Variants in AKAP19 observed in about 807,000 individuals in gnomAD.
The protein encoded by AKAP19 is small A-kinase anchoring protein.
At chr2:190,013,013 T>G in the AKAP19 span, among the ~76,000 whole-genome samples, 1 of 152,160 alleles carries the variant, frequency 6.6e-6, no homozygotes. Flanking sequence ...GGTTTGCTGT[T>G]ATTTTGTTGA....
At chr2:190,006,534 C>T in the AKAP19 span, among the ~76,000 whole-genome samples, 2 of 151,586 alleles carry the variant, frequency 1.3e-5, no homozygotes, top group Non-Finnish European at 2.9e-5. Context: ...CCTGTAGTCC[C>T]AGCTACTGGG....
At chr2:189,927,919 A>G in the AKAP19 span, among the ~76,000 whole-genome samples, 1 of 152,152 alleles carries the variant, frequency 6.6e-6, no homozygotes, top group South Asian at 2.1e-4. Context: ...TCATTGCAGA[A>G]AGTTGTATTT....
the AKAP19 span, among the ~76,000 whole-genome samples, chr2:189,938,057 C>T: frequency 6.6e-6 from 1 of 151,906 alleles, no homozygotes; most frequent in Admixed American, 6.6e-5. Context: ...GTACTTAGGC[C>T]AGGTGCGGTG....
At chr2:190,194,777 A>G in the AKAP19 span, among the ~76,000 whole-genome samples, 1 of 152,128 alleles carries the variant, frequency 6.6e-6, no homozygotes, top group Non-Finnish European at 1.5e-5. Flanking sequence ...TATAGTTGTA[A>G]TCATACAGCA....
At chr2:189,993,227 G>A in the AKAP19 span, among the ~76,000 whole-genome samples, 10 of 152,284 alleles carry the variant, frequency 6.6e-5, no homozygotes, top group East Asian at 1.9e-3. Flanking sequence ...AATCATAAAT[G>A]GATGCTGGAT....
At chr2:189,925,071 T>C in the AKAP19 span, among the ~76,000 whole-genome samples, 1 of 152,172 alleles carries the variant, frequency 6.6e-6, no homozygotes, top group African/African-American at 2.4e-5. Context: ...GCCTCACATT[T>C]CTGGCTTCAG....
the AKAP19 span, among the ~76,000 whole-genome samples, chr2:189,948,590 A>G: frequency 1.3e-5 from 2 of 152,304 alleles, no homozygotes; most frequent in East Asian, 3.9e-4. Context: ...ACATGGTAGG[A>G]CCATGTCTGT....
At chr2:190,069,435 A>G in the AKAP19 span, among the ~76,000 whole-genome samples, 1 of 152,170 alleles carries the variant, frequency 6.6e-6, no homozygotes, top group African/African-American at 2.4e-5. Flanking sequence ...CCCCAAGAGA[A>G]AAATCTTACA....
the AKAP19 span, among the ~76,000 whole-genome samples, chr2:189,984,472 T>C: frequency 6.6e-6 from 1 of 152,234 alleles, no homozygotes; most frequent in East Asian, 1.9e-4. Flanking sequence ...GAACAATTGC[T>C]GTTATCCTGT....
chr2:190,170,560 C>T, the AKAP19 span, among the ~76,000 whole-genome samples: 5 of 152,150 alleles, frequency 3.3e-5, no homozygotes, highest in African/African-American at 7.2e-5. Flanking sequence ...ATGTTTCTGT[C>T]TCCTCACCCG....
At chr2:189,975,929 C>G in the AKAP19 span, among the ~76,000 whole-genome samples, 6 of 152,188 alleles carry the variant, frequency 3.9e-5, no homozygotes, top group Non-Finnish European at 8.8e-5. Context: ...TGGGTTCAGA[C>G]TTCCTCCTTT....
chr2:190,095,431 G>A, the AKAP19 span: 1 of 151,576 alleles, frequency 6.6e-6, no homozygotes, highest in African/African-American at 2.4e-5. Flanking sequence ...TCCTGAGAGT[G>A]ACCTCACGAG....
the AKAP19 span, among the ~76,000 whole-genome samples, chr2:190,172,286 A>G: frequency 1.3e-5 from 2 of 151,938 alleles, no homozygotes; most frequent in African/African-American, 2.4e-5. Context: ...CTCTCCCACT[A>G]TTATGCATTT....
chr2:190,173,104 G>A, the AKAP19 span, among the ~76,000 whole-genome samples: 34,155 of 138,474 alleles, frequency 0.25, 4,148 homozygotes, highest in African/African-American at 0.32. Context: ...GACAAAGAGA[G>A]ACTCCATCTC....
At chr2:190,135,453 AACTTTC>A in the AKAP19 span, among the ~76,000 whole-genome samples, 1 of 152,340 alleles carries the variant, frequency 6.6e-6, no homozygotes, top group Admixed American at 6.5e-5. Context: ...TGCTTTATGC[AACTTTC>A]AGCAGTTCAC....
At chr2:190,201,444 ATTAT>A in the AKAP19 span, 1 of 167,054 alleles carries the variant, frequency 6.0e-6, no homozygotes, top group South Asian at 2.1e-4. Flanking sequence ...TGGAAAGGAA[ATTAT>A]TTAAGCCTGT....
the AKAP19 span, among the ~76,000 whole-genome samples, chr2:190,085,449 G>A: frequency 5.9e-5 from 9 of 151,992 alleles, no homozygotes; most frequent in Admixed American, 2.6e-4. Context: ...AGTTTCTCTC[G>A]TCTCTAATTC....
At chr2:190,120,185 C>G in the AKAP19 span, among the ~76,000 whole-genome samples, 2 of 152,256 alleles carry the variant, frequency 1.3e-5, no homozygotes, top group Non-Finnish European at 1.5e-5. Flanking sequence ...GATTCTCATA[C>G]GAGGGCAAAC....
chr2:189,982,948 T>G, the AKAP19 span, among the ~76,000 whole-genome samples: 1 of 152,066 alleles, frequency 6.6e-6, no homozygotes, highest in Non-Finnish European at 1.5e-5. Flanking sequence ...GATAGCAGGT[T>G]TTTTGTTTAG....
Sources: gnomAD v4.1 joint callset for allele counts (sites outside exome capture counted in the v4.1 genomes callset) on GRCh38, gnomAD v4.1.1 for gene constraint, MANE v1.5 for transcripts, NCBI Gene and HGNC (gene_info 2026-07-23, HGNC 2026-07-21) for gene names.